FHIT: variants seen among roughly 807,000 people sequenced by gnomAD.
FHIT encodes bis(5'-adenosyl)-triphosphatase.
A neutral mutation model predicts 17.9 loss-of-function variants in FHIT; 19 were observed. The ratio of observed to expected loss-of-function variants is 1.06; its 90% CI spans 0.74 to 1.56. The LOEUF is 1.56. Ranked by LOEUF, FHIT falls within the 40% of genes most tolerant of loss-of-function variation. The pLI is 0.00. For missense variants in FHIT, 248 were observed against 189.2 expected (o/e 1.31, Z -1.82); for synonymous variants, 81 against 69.7 (o/e 1.16, Z -0.81).
chr3:60,737,484 T>C (rs782396176), intron 4 of FHIT, among the ~76,000 whole-genome samples: 18 of 152,198 alleles, frequency 1.2e-4, no homozygotes, highest in African/African-American at 3.1e-4. Flanking sequence ...TACATGAAGA[T>C]AGTCTAAACA....
intron 5 of FHIT, among the ~76,000 whole-genome samples, chr3:60,455,559 T>C (rs1274872329): frequency 1.3e-5 from 2 of 152,100 alleles, no homozygotes; most frequent in Admixed American, 1.3e-4. Context: ...GGGTTGCTTG[T>C]TTATTTGCTT....
chr3:61,119,096 C>A (rs2036381134), intron 2 of FHIT, among the ~76,000 whole-genome samples: 1 of 152,154 alleles, frequency 6.6e-6, no homozygotes, highest in South Asian at 2.1e-4. Flanking sequence ...TATATTTAAT[C>A]AATTGATGGC....
Position 60,436,167 on chromosome 3 carries a change from C to T in FHIT, c.103+100693G>A, listed in dbSNP as rs141751634. Among the ~76,000 whole-genome samples the T allele has an allele frequency of 2.9e-3, 447 of 152,220 alleles. 4 individuals carry two copies. Among genetic ancestry groups the T allele is most frequent in the African/African-American group, 0.01 (433 of 41,554 alleles). Reference sequence around the variant, plus strand: ...GGCTCAAGCAATTCTTCTGCCTCAGCTTCCCAAGTAGCTGGAATTACAGGT... The same window carrying T: ...GGCTCAAGCAATTCTTCTGCCTCAGTTTCCCAAGTAGCTGGAATTACAGGT... On this transcript the variant is annotated intron_variant, in intron 5 of 9. Coordinates refer to ENST00000492590, the MANE Select transcript of FHIT (RefSeq NM_002012.4).
chr3:59,872,832 C>G (rs1324416288), intron 8 of FHIT, among the ~76,000 whole-genome samples: 1 of 152,144 alleles, frequency 6.6e-6, no homozygotes, highest in Non-Finnish European at 1.5e-5. Context: ...GGCTCCAGAC[C>G]CACATCCCTA....
chr3:59,833,048 A>T (rs1482825589), intron 8 of FHIT, among the ~76,000 whole-genome samples: 1 of 152,072 alleles, frequency 6.6e-6, no homozygotes, highest in East Asian at 1.9e-4. Flanking sequence ...AGGTCTCCTC[A>T]CTCTTTTGCA....
At chr3:59,764,362 T>A (rs1701686849) in intron 8 of FHIT, among the ~76,000 whole-genome samples, 2 of 152,168 alleles carry the variant, frequency 1.3e-5, no homozygotes, top group South Asian at 4.1e-4. Flanking sequence ...AAATGACTAA[T>A]ATGAAAATCT....
At chr3:60,353,222 C>A in intron 5 of FHIT, among the ~76,000 whole-genome samples, 1 of 152,032 alleles carries the variant, frequency 6.6e-6, no homozygotes, top group East Asian at 1.9e-4. Context: ...CTGAATCCTC[C>A]ACTGCTTCTC....
At chr3:60,678,960 T>A (rs376240006) in intron 4 of FHIT, among the ~76,000 whole-genome samples, 6 of 142,368 alleles carry the variant, frequency 4.2e-5, no homozygotes, top group African/African-American at 5.2e-5. Flanking sequence ...TTTGAGTCCT[T>A]AAAAAAAAAA....
intron 7 of FHIT, among the ~76,000 whole-genome samples, chr3:59,944,386 G>T (rs550455086): frequency 6.6e-6 from 1 of 152,228 alleles, no homozygotes; most frequent in South Asian, 2.1e-4. Flanking sequence ...AGGCACTCCT[G>T]TTCCTTCTCC....
chr3:60,837,902 A>T (rs1489035966), intron 3 of FHIT, among the ~76,000 whole-genome samples: 4 of 152,104 alleles, frequency 2.6e-5, no homozygotes, highest in Non-Finnish European at 4.4e-5. Flanking sequence ...GCATCCCTTT[A>T]TCTTCCCCAT....
intron 5 of FHIT, among the ~76,000 whole-genome samples, chr3:60,334,961 GA>G (rs1449668185): frequency 3.9e-5 from 6 of 152,102 alleles, no homozygotes; most frequent in African/African-American, 1.4e-4. Context: ...AACAACAACT[GA>G]AAATAGTCCC....
chr3:60,537,638 T>C (rs1212900322), intron 4 of FHIT, among the ~76,000 whole-genome samples: 1 of 152,172 alleles, frequency 6.6e-6, no homozygotes, highest in Non-Finnish European at 1.5e-5. Context: ...GTTCTGCGTC[T>C]TCCTTTTGAG....
At chr3:60,511,382 T>A (rs1210254130) in intron 5 of FHIT, among the ~76,000 whole-genome samples, 1 of 152,182 alleles carries the variant, frequency 6.6e-6, no homozygotes, top group East Asian at 1.9e-4. Context: ...TCGCTTTATG[T>A]GTTTTAAGAC....
chr3:60,131,450 T>G (rs2107267907), intron 5 of FHIT, among the ~76,000 whole-genome samples: 1 of 152,254 alleles, frequency 6.6e-6, no homozygotes, highest in African/African-American at 2.4e-5. Context: ...TTCGCACAGA[T>G]TCATATAATC....
At chr3:59,764,065 A>G (rs920321899) in intron 8 of FHIT, among the ~76,000 whole-genome samples, 6 of 152,226 alleles carry the variant, frequency 3.9e-5, no homozygotes, top group African/African-American at 1.4e-4. Flanking sequence ...AGCTGGACCC[A>G]GCACTGCCTC....
At chr3:60,485,823 C>G (rs1306441435) in intron 5 of FHIT, among the ~76,000 whole-genome samples, 1 of 152,042 alleles carries the variant, frequency 6.6e-6, no homozygotes, top group East Asian at 1.9e-4. Flanking sequence ...AATCAAACAC[C>G]TTGAAATTCC....
intron 5 of FHIT, among the ~76,000 whole-genome samples, chr3:60,217,019 T>A (rs910869421): frequency 6.6e-6 from 1 of 152,194 alleles, no homozygotes; most frequent in Non-Finnish European, 1.5e-5. Context: ...AGAAGTGTGA[T>A]AGTTTCACCA....
chr3:60,222,382 C>T (rs1704002866), intron 5 of FHIT, among the ~76,000 whole-genome samples: 1 of 152,162 alleles, frequency 6.6e-6, no homozygotes, highest in African/African-American at 2.4e-5. Context: ...TGGTTTCTGC[C>T]ACTTCTGTGT....
At chr3:60,877,583 C>T (rs955881429) in intron 3 of FHIT, among the ~76,000 whole-genome samples, 20 of 152,126 alleles carry the variant, frequency 1.3e-4, no homozygotes, top group African/African-American at 4.8e-4. Context: ...GTAAATGGTG[C>T]CTGGGCCACA....
Sources: allele counts gnomAD v4.1 joint callset (sites outside exome capture counted in the v4.1 genomes callset), GRCh38; gene constraint gnomAD v4.1.1; transcripts MANE v1.5; gene names NCBI Gene and HGNC (gene_info 2026-07-23, HGNC 2026-07-21).